The following CCDC33 variants were observed in gnomAD, a reference collection of about 807,000 sequenced individuals.
The protein encoded by CCDC33 is coiled-coil domain-containing protein 33.
Under a neutral mutation model 91.9 loss-of-function variants are expected in CCDC33, and 94 were observed. The ratio of observed to expected loss-of-function variants is 1.02; its 90% CI spans 0.87 to 1.21. The LOEUF (loss-of-function observed/expected upper bound fraction) is 1.21, where lower values mean the gene tolerates loss of function less well. CCDC33 is among the 50% of genes most tolerant of loss of function. CCDC33 has a pLI of 0.00. For synonymous variants in CCDC33, 396 were observed against 374.5 expected (o/e 1.06, Z -0.66); for missense variants, 940 against 935.5 (o/e 1.00, Z -0.06).
At chr15:74,242,418 C>T (rs566998166) in intron 1 of CCDC33, among the ~76,000 whole-genome samples, 3 of 152,340 alleles carry the variant, frequency 2.0e-5, no homozygotes, top group South Asian at 4.1e-4. Context: ...GCCTCAATTT[C>T]CTCTCTATGT....
chr15:74,328,207 A>G (rs1490024232), intron 11 of CCDC33, among the ~76,000 whole-genome samples: 1 of 152,224 alleles, frequency 6.6e-6, no homozygotes, highest in Non-Finnish European at 1.5e-5. Context: ...GAAGATTTAG[A>G]GCACAGCAAA....
At chr15:74,320,732 C>A (rs2060189979) in intron 11 of CCDC33, among the ~76,000 whole-genome samples, 1 of 152,220 alleles carries the variant, frequency 6.6e-6, no homozygotes, top group South Asian at 2.1e-4. Flanking sequence ...ACCTCCCTAA[C>A]CCTGCCCTCT....
At chr15:74,240,319 G>T (rs1175412210) in intron 1 of CCDC33, among the ~76,000 whole-genome samples, 1 of 152,242 alleles carries the variant, frequency 6.6e-6, no homozygotes, top group African/African-American at 2.4e-5. Context: ...CTCTGGGGCT[G>T]CCAGGGAGCC....
In CCDC33 at chr15:74,321,358, C is replaced by CA. The variant is rs372108216; in HGVS notation, c.1291-8830dup. Reference sequence around the variant, plus strand: ...CTCCGCCCCACCCCCGCCTGCCCCCCAGTTCAAGCGATTCTCCCACCTCAT... The same window carrying CA: ...CTCCGCCCCACCCCCGCCTGCCCCCCAAGTTCAAGCGATTCTCCCACCTCAT... On this transcript the variant is annotated intron_variant, in intron 11 of 18. Transcript: ENST00000398814. Among the ~76,000 whole-genome samples the CA allele has an allele frequency of 4.9e-3, 750 of 151,918 alleles. 9 individuals carry two copies. Among genetic ancestry groups the CA allele is most frequent in the African/African-American group, 0.018 (729 of 41,360 alleles).
At chr15:74,327,953 C>A (rs894337642) in intron 11 of CCDC33, among the ~76,000 whole-genome samples, 2 of 152,176 alleles carry the variant, frequency 1.3e-5, no homozygotes, top group African/African-American at 4.8e-5. Context: ...ACTGAGCATG[C>A]CCTCATATAA....
chr15:74,334,859 A>G, intron 17 of CCDC33, 116 bp from the exon 18 acceptor site: 4 of 893,878 alleles, frequency 4.5e-6, no homozygotes, highest in Middle Eastern at 3.1e-4. Context: ...TCAAGCCCAC[A>G]TGGCCCAGAG....
chr15:74,318,065 T>C (rs1249092789), intron 11 of CCDC33, among the ~76,000 whole-genome samples: 1 of 131,328 alleles, frequency 7.6e-6, no homozygotes, highest in Admixed American at 8.6e-5. Context: ...GGGAGGAGAG[T>C]GAGCCCAGCT....
rs115324314 is a variant in CCDC33 at position 74,244,353 on chromosome 15, C to T, written c.185+205C>T. Reference sequence around the variant, plus strand: ...AGGGCTGGGGAAGACAGGGTGCCAACGGATCCAGAGAGTCACCCCTCCCCA... The same window carrying T: ...AGGGCTGGGGAAGACAGGGTGCCAATGGATCCAGAGAGTCACCCCTCCCCA... On this transcript the variant is annotated intron_variant, in intron 2 of 18. Coordinates refer to ENST00000398814, the MANE Select transcript of CCDC33 (RefSeq NM_025055.5). This position sits in a 1 kb window ranked among gnomAD's most constrained non-coding sequence, Gnocchi z 4.2. Among the ~76,000 whole-genome samples the T allele has an allele frequency of 0.019, 2,963 of 152,260 alleles. 105 individuals are homozygous for T. The highest frequency in any genetic ancestry group is 0.068 in the African/African-American group (2,829 of 41,536).
At chr15:74,210,447 C>T (rs1018452659) in intron 2 of CCDC33, among the ~76,000 whole-genome samples, 7 of 152,140 alleles carry the variant, frequency 4.6e-5, no homozygotes, top group Admixed American at 2.6e-4. Flanking sequence ...ATACATAAAT[C>T]GTGATCTCAT....
rs1267988026 is a variant in CCDC33 at position 74,335,077 on chromosome 15, A to G, written c.2128A>G (p.Ile710Val). 3.1e-6 allele frequency: 5 copies of G among 1,613,534 alleles called. No individual in the cohort carries two copies. The highest frequency in any genetic ancestry group is 4.2e-6 in the Non-Finnish European group (5 of 1,179,604). Reference sequence around the variant, plus strand: ...CAGGCACCCCTCGAACTCCATCATCATAGAACAGCCTGTGAGTGACCCCCC... The same window carrying G: ...CAGGCACCCCTCGAACTCCATCATCGTAGAACAGCCTGTGAGTGACCCCCC... ...GFRHPSNSII[I>V]EQPSALTHSM... Residue 710 changes from isoleucine to valine, a missense_variant, in exon 18 of 19, where the codon ATA becomes GTA. Coordinates refer to ENST00000398814, the MANE Select transcript of CCDC33 (RefSeq NM_025055.5).
intron 10 of CCDC33, among the ~76,000 whole-genome samples, chr15:74,294,810 CA>C (rs536048495): frequency 5.3e-5 from 8 of 151,654 alleles, no homozygotes; most frequent in Non-Finnish European, 1.2e-4. Context: ...AAAGCACAGA[CA>C]GCCAACTGCT....
At chr15:74,297,782 G>A (rs1397785215) in intron 11 of CCDC33, among the ~76,000 whole-genome samples, 1 of 152,182 alleles carries the variant, frequency 6.6e-6, no homozygotes, top group African/African-American at 2.4e-5. Flanking sequence ...GGGAAGGGAA[G>A]AGAAAGAAGG....
intron 13 of CCDC33, 75 bp from the exon 14 acceptor site, chr15:74,330,906 C>A: frequency 3.9e-6 from 6 of 1,534,198 alleles, no homozygotes; most frequent in East Asian, 2.3e-5. Context: ...GCAGAGGGGC[C>A]GAGGTGGACC....
intron 11 of CCDC33, among the ~76,000 whole-genome samples, chr15:74,324,156 C>T (rs1481578083): frequency 2.0e-5 from 3 of 150,748 alleles, no homozygotes; most frequent in East Asian, 2.0e-4. Context: ...TTTATACTGT[C>T]GCTACCTGAG....
chr15:74,239,677 T>C (rs3848162), intron 1 of CCDC33, among the ~76,000 whole-genome samples: 69,555 of 152,174 alleles, frequency 0.46, 19,121 homozygotes, highest in Non-Finnish European at 0.63. Context: ...TGCTGATCTC[T>C]GCACCCTAGC....
chr15:74,279,890 C>G (rs1596015066), intron 7 of CCDC33, 73 bp from the exon 8 acceptor site: 3 of 1,549,076 alleles, frequency 1.9e-6, no homozygotes, highest in African/African-American at 2.8e-5. Flanking sequence ...ATACACAAAA[C>G]CAAATATCTG....
At chr15:74,271,588 G>A in intron 5 of CCDC33, 115 bp from the exon 6 acceptor site, 1 of 701,818 alleles carries the variant, frequency 1.4e-6, no homozygotes, top group Non-Finnish European at 2.6e-6. Context: ...GTCAAGTGTG[G>A]AGGCAGCCAT....
At chr15:74,320,312 T>C (rs2060180114) in intron 11 of CCDC33, among the ~76,000 whole-genome samples, 5 of 152,034 alleles carry the variant, frequency 3.3e-5, no homozygotes, top group Admixed American at 3.3e-4. Context: ...CCCTCAGTGT[T>C]CCCCACCTCT....
chr15:74,226,907 A>G (rs552622924), intron 2 of CCDC33, among the ~76,000 whole-genome samples: 1 of 152,084 alleles, frequency 6.6e-6, no homozygotes, highest in Admixed American at 6.5e-5. Flanking sequence ...GGGGGGAAAC[A>G]GGAGGTGGAG....
Sources: allele counts gnomAD v4.1 joint callset (sites outside exome capture counted in the v4.1 genomes callset), GRCh38; gene constraint gnomAD v4.1.1; non-coding constraint Gnocchi (gnomAD v3.1); transcripts MANE v1.5; gene names NCBI Gene and HGNC (gene_info 2026-07-23, HGNC 2026-07-21).